AGBL4: variants seen among roughly 807,000 people sequenced by gnomAD.
The protein encoded by AGBL4 is AGBL carboxypeptidase 4, also known as cytosolic carboxypeptidase 6.
In AGBL4, 58 loss-of-function variants were observed where a neutral mutation model predicts 66.4. The ratio of observed to expected loss-of-function variants is 0.87; its 90% CI spans 0.71 to 1.09. AGBL4 has a LOEUF of 1.09. AGBL4 is among the 50% of genes least tolerant of loss of function. AGBL4 has a pLI of 0.00. For missense variants in AGBL4, 579 were observed against 631.0 expected (o/e 0.92, Z 0.88); for synonymous variants, 234 against 222.9 (o/e 1.05, Z -0.44).
chr1:49,463,445 T>A (rs1467504772), intron 3 of AGBL4, among the ~76,000 whole-genome samples: 1 of 151,688 alleles, frequency 6.6e-6, no homozygotes, highest in Non-Finnish European at 1.5e-5. Flanking sequence ...CACTGCTCAC[T>A]CTCTTTCAAA....
chr1:48,567,609 T>G (rs1448232272), intron 11 of AGBL4, among the ~76,000 whole-genome samples: 3 of 152,194 alleles, frequency 2.0e-5, no homozygotes, highest in Non-Finnish European at 4.4e-5. Flanking sequence ...AAAAAAATCC[T>G]CAGACAGTAT....
chr1:49,477,634 T>A (rs1295378513), intron 3 of AGBL4, among the ~76,000 whole-genome samples: 5 of 151,940 alleles, frequency 3.3e-5, no homozygotes, highest in African/African-American at 1.2e-4. Flanking sequence ...AAGACTGCAA[T>A]AAATAACAAA....
intron 3 of AGBL4, among the ~76,000 whole-genome samples, chr1:49,408,406 A>G (rs2148622896): frequency 6.6e-6 from 1 of 152,314 alleles, no homozygotes; most frequent in Middle Eastern, 3.4e-3. Context: ...CCCTTGTGTG[A>G]TGGTTAATAC....
intron 5 of AGBL4, among the ~76,000 whole-genome samples, chr1:48,946,878 T>C (rs1656556802): frequency 6.6e-6 from 1 of 152,042 alleles, no homozygotes; most frequent in African/African-American, 2.4e-5. Flanking sequence ...TGTGGAGAAA[T>C]GTCCCATGTA....
intron 3 of AGBL4, among the ~76,000 whole-genome samples, chr1:49,329,267 A>G (rs1645283181): frequency 6.6e-6 from 1 of 152,056 alleles, no homozygotes; most frequent in Admixed American, 6.5e-5. Context: ...AGATCGCACC[A>G]TTGCAATCCA....
At chr1:48,990,223 T>C (rs1660502040) in intron 5 of AGBL4, among the ~76,000 whole-genome samples, 1 of 152,138 alleles carries the variant, frequency 6.6e-6, no homozygotes, top group Non-Finnish European at 1.5e-5. Context: ...ATTTTTAAAT[T>C]GGATTATTTA....
chr1:49,027,919 G>T lies in AGBL4; in HGVS notation c.594+17665C>A, dbSNP rs545997272. On this transcript the variant is annotated intron_variant, in intron 5 of 13. Transcript: ENST00000371839. ...TACCCAGAGCCTAGCTCATAGAGCA[G>T]GGGTGACACTCTAGGAGAAGTGGGC... 7.0e-4 allele frequency among the ~76,000 whole-genome samples: 107 copies of T among 152,276 alleles called. 1 individual carries two copies. Among genetic ancestry groups the T allele is most frequent in the African/African-American group, 2.3e-3 (94 of 41,578 alleles).
chr1:48,721,423 T>A (rs561757877), intron 6 of AGBL4, among the ~76,000 whole-genome samples: 2 of 152,318 alleles, frequency 1.3e-5, no homozygotes, highest in South Asian at 4.1e-4. Context: ...ATGCAGGGAA[T>A]GCCACCTTGA....
intron 1 of AGBL4, among the ~76,000 whole-genome samples, chr1:49,975,051 A>G (rs922617867): frequency 6.6e-6 from 1 of 152,208 alleles, no homozygotes; most frequent in Admixed American, 6.5e-5. Flanking sequence ...TAGTTGCTAT[A>G]GAAACTATTC....
At chr1:49,674,090 G>A (rs1313592219) in intron 3 of AGBL4, among the ~76,000 whole-genome samples, 1 of 151,982 alleles carries the variant, frequency 6.6e-6, no homozygotes, top group South Asian at 2.1e-4. Context: ...AATAGTCACA[G>A]AATTTAATAG....
intron 9 of AGBL4, among the ~76,000 whole-genome samples, chr1:48,609,099 A>G (rs1456631466): frequency 6.6e-6 from 1 of 152,146 alleles, no homozygotes; most frequent in Non-Finnish European, 1.5e-5. Context: ...ACAGGCAGAC[A>G]AGACAGAGGA....
At chr1:49,307,749 G>A (rs567506491) in intron 3 of AGBL4, among the ~76,000 whole-genome samples, 1 of 151,872 alleles carries the variant, frequency 6.6e-6, no homozygotes, top group East Asian at 1.9e-4. Flanking sequence ...ATCCCTCCTG[G>A]GCCTCCCAAG....
At chr1:48,939,773 C>T (rs1175377479) in intron 5 of AGBL4, among the ~76,000 whole-genome samples, 1 of 152,224 alleles carries the variant, frequency 6.6e-6, no homozygotes, top group Non-Finnish European at 1.5e-5. Context: ...AGAGGGCATT[C>T]TGCTTTGGAT....
At chr1:48,574,796 C>T (rs1392366830) in intron 11 of AGBL4, among the ~76,000 whole-genome samples, 2 of 152,114 alleles carry the variant, frequency 1.3e-5, no homozygotes, top group Non-Finnish European at 2.9e-5. Context: ...TTATTGGCAG[C>T]ACATTTATCA....
intron 3 of AGBL4, among the ~76,000 whole-genome samples, chr1:49,386,265 ATGTGTGTG>A (rs35497867): frequency 1.3e-5 from 2 of 148,496 alleles, no homozygotes; most frequent in African/African-American, 4.9e-5. Context: ...GGATGGATGG[ATGTGTGTG>A]TGTGTGTGTG....
chr1:48,852,992 T>A (rs763015604), intron 6 of AGBL4, among the ~76,000 whole-genome samples: 1 of 152,144 alleles, frequency 6.6e-6, no homozygotes, highest in Non-Finnish European at 1.5e-5. Flanking sequence ...TCCTCCCAGG[T>A]GAATAGGGCT....
intron 1 of AGBL4, among the ~76,000 whole-genome samples, chr1:49,937,250 T>C (rs1242627277): frequency 6.6e-6 from 1 of 152,110 alleles, no homozygotes; most frequent in Non-Finnish European, 1.5e-5. Context: ...AAAAGGCCAT[T>C]ACATAATGGT....
At chr1:49,103,562 G>A (rs1465735030) in intron 4 of AGBL4, among the ~76,000 whole-genome samples, 2 of 152,082 alleles carry the variant, frequency 1.3e-5, no homozygotes, top group Admixed American at 6.6e-5. Flanking sequence ...CGCTGGATTC[G>A]CCTTTGAAGA....
chr1:49,971,442 T>C (rs1658075008), intron 1 of AGBL4, among the ~76,000 whole-genome samples: 1 of 152,050 alleles, frequency 6.6e-6, no homozygotes, highest in Admixed American at 6.6e-5. Context: ...GTAATTCAGA[T>C]AAAAAGAAAT....
Sources: allele counts gnomAD v4.1 joint callset (sites outside exome capture counted in the v4.1 genomes callset), GRCh38; gene constraint gnomAD v4.1.1; transcripts MANE v1.5; gene names NCBI Gene and HGNC (gene_info 2026-07-23, HGNC 2026-07-21).